The following EIF3K variants were observed in gnomAD, a reference collection of about 807,000 sequenced individuals.
EIF3K encodes the protein eIF-3 p28.
In EIF3K, 27 loss-of-function variants were observed where a neutral mutation model predicts 34.2. That is an observed-to-expected ratio of 0.79 (90% CI 0.58 to 1.09). EIF3K has a LOEUF of 1.09. EIF3K is among the 50% of genes least tolerant of loss of function. EIF3K has a pLI of 0.00. For synonymous variants in EIF3K, 105 were observed against 105.7 expected (o/e 0.99, Z 0.04); for missense variants, 232 against 275.4 (o/e 0.84, Z 1.11).
intron 3 of EIF3K, among the ~76,000 whole-genome samples, chr19:38,625,566 A>G (rs1324790608): frequency 6.7e-6 from 1 of 149,902 alleles, no homozygotes; most frequent in African/African-American, 2.5e-5. Flanking sequence ...CTGGCGTGCA[A>G]AGGCGTGATC....
intron 2 of EIF3K, among the ~76,000 whole-genome samples, chr19:38,621,412 C>CAAAAAAAAAAAAAAAAAAAAA (rs767592946): frequency 6.6e-6 from 1 of 151,634 alleles, no homozygotes; most frequent in East Asian, 2.0e-4. Flanking sequence ...GACCCTGTCT[C>CAAAAAAAAAAAAAAAAAAAAA]AAAAATAAAT....
chr19:38,636,211 G>C (rs1976187774), intron 7 of EIF3K, among the ~76,000 whole-genome samples: 1 of 152,202 alleles, frequency 6.6e-6, no homozygotes, highest in Non-Finnish European at 1.5e-5. Flanking sequence ...GTCACAGGTG[G>C]AGAGGGCAGT....
Position 38,619,279 on chromosome 19 carries a change from T to G in EIF3K, c.11T>G (p.Phe4Cys). ...AAGGCGACAGAAGTCATGGCGATGTTTGAGCAGATGAGAGCCAACGTGGGC... is the reference window on the plus strand; with the variant it reads ...AAGGCGACAGAAGTCATGGCGATGTGTGAGCAGATGAGAGCCAACGTGGGC... MAM[F>C]EQMRANVGKL... The change falls in exon 1 of 8, where the codon TTT (phenylalanine) becomes TGT (cysteine). Residue 4 changes from phenylalanine (F) to cysteine (C), a missense_variant. By Grantham distance (205) the Phe-to-Cys change is radical (BLOSUM62 -2). Coordinates refer to ENST00000248342, the MANE Select transcript of EIF3K (RefSeq NM_013234.4). 1 of 1,614,060 alleles carries G rather than the reference T, an allele frequency of 6.2e-7. No individual in the cohort carries two copies. The highest frequency in any genetic ancestry group is 8.5e-7 in the Non-Finnish European group (1 of 1,179,942).
intron 4 of EIF3K, 125 bp downstream of exon 4, chr19:38,626,227 G>T: frequency 4.5e-6 from 4 of 881,212 alleles, no homozygotes; most frequent in Non-Finnish European, 7.4e-6. Context: ...CTCTGCATGT[G>T]TGTGTTTGTG....
intron 4 of EIF3K, among the ~76,000 whole-genome samples, chr19:38,626,665 A>T (rs984637106): frequency 1.3e-5 from 2 of 152,140 alleles, no homozygotes; most frequent in Non-Finnish European, 2.9e-5. Flanking sequence ...CGTCTCTTCT[A>T]CCTGTCTGAC....
chr19:38,622,657 T>A (rs1941369538), intron 2 of EIF3K, among the ~76,000 whole-genome samples: 1 of 152,204 alleles, frequency 6.6e-6, no homozygotes, highest in Admixed American at 6.6e-5. Context: ...CCAAAATTTA[T>A]TAGGCGGGAA....
intron 6 of EIF3K, 111 bp downstream of exon 6, chr19:38,632,789 G>C: frequency 1.1e-6 from 1 of 952,280 alleles, no homozygotes; most frequent in Admixed American, 2.9e-5. Flanking sequence ...GGTCAGCATG[G>C]AAGGCCCAGC....
chr19:38,625,890 G>A, intron 3 of EIF3K, 138 bp from the exon 4 acceptor site: 1 of 791,306 alleles, frequency 1.3e-6, no homozygotes, highest in South Asian at 1.5e-5. Flanking sequence ...GGAGAAATAA[G>A]CTGGCTTCCT....
rs1381677304 is a variant in EIF3K at position 38,626,061 on chromosome 19, C to T, written c.313C>T (p.Leu105Phe). 2.5e-6 allele frequency: 4 copies of T among 1,614,048 alleles called. No individual in the cohort carries two copies. The highest frequency in any genetic ancestry group is 2.5e-6 in the Non-Finnish European group (3 of 1,180,040). The change falls in exon 4 of 8, where the codon CTC becomes TTC. Residue 105 changes from leucine (L) to phenylalanine (F), a missense_variant. Coordinates refer to ENST00000248342, the MANE Select transcript of EIF3K (RefSeq NM_013234.4). ...ACGGCCAATCCGACAGATTTTGTAC[C>T]TCGGGGACCTGCTGGAGACCTGCCA... Reference protein sequence around the residue: ...EERPIRQILYLGDLLETCHFQ... With the variant: ...EERPIRQILYFGDLLETCHFQ...
intron 2 of EIF3K, 46 bp from the exon 3 acceptor site, chr19:38,624,031 G>T: frequency 3.1e-6 from 5 of 1,613,074 alleles, no homozygotes; most frequent in South Asian, 1.1e-5. Context: ...GAGGATTGGG[G>T]ACTTGGAGGT....
intron 4 of EIF3K, among the ~76,000 whole-genome samples, chr19:38,627,905 C>CTTT (rs60551864): frequency 2.4e-4 from 34 of 140,250 alleles, no homozygotes; most frequent in African/African-American, 4.0e-4. Context: ...ATTTTCTTTC[C>CTTT]TTTTTTTTTT....
chr19:38,627,713 C>G (rs942230810), intron 4 of EIF3K, among the ~76,000 whole-genome samples: 1 of 151,770 alleles, frequency 6.6e-6, no homozygotes, highest in Non-Finnish European at 1.5e-5. Context: ...CACTGGCGCT[C>G]TCTACCACTC....
At chr19:38,624,282 G>A in intron 3 of EIF3K, 85 bp downstream of exon 3, 2 of 1,578,684 alleles carry the variant, frequency 1.3e-6, no homozygotes, top group Admixed American at 1.8e-5. Flanking sequence ...TGGTCTGTGG[G>A]TGTATCCACA....
intron 7 of EIF3K, 175 bp downstream of exon 7, chr19:38,635,293 G>C (rs1048845468): frequency 1.1e-6 from 1 of 880,774 alleles, no homozygotes; most frequent in African/African-American, 1.7e-5. Context: ...GAGGAATAGC[G>C]GGGAGCTGGG....
chr19:38,627,220 A>G (rs1293182378), intron 4 of EIF3K, among the ~76,000 whole-genome samples: 1 of 151,876 alleles, frequency 6.6e-6, no homozygotes, highest in Admixed American at 6.6e-5. Flanking sequence ...TCCTGACCTC[A>G]GGTGATCTGC....
At chr19:38,629,657 C>A (rs533320265) in intron 4 of EIF3K, among the ~76,000 whole-genome samples, 3 of 152,304 alleles carry the variant, frequency 2.0e-5, no homozygotes, top group Admixed American at 1.3e-4. Flanking sequence ...GGGGGATTCC[C>A]TCCCTTTTGT....
At position 38,624,033 on chromosome 19, in the gene EIF3K, C is replaced by T; in HGVS notation, c.159-44C>T. 3.1e-6 allele frequency: 5 copies of T among 1,613,108 alleles called. No individual in the cohort carries two copies. The South Asian group carries it at 5.5e-5, about 18-fold the overall frequency. On this transcript the variant is annotated intron_variant, in intron 2 of 7. Coordinates refer to ENST00000248342, the MANE Select transcript of EIF3K (RefSeq NM_013234.4). The stretch of plus-strand genomic sequence containing the variant: ...CCTGGCACCTGGTGAGGATTGGGGA[C>T]TTGGAGGTGCCACTGTGGCCACGTC...
At chr19:38,635,549 C>G (rs898324030) in intron 7 of EIF3K, 10 of 241,060 alleles carry the variant, frequency 4.1e-5, no homozygotes, top group African/African-American at 2.2e-4. Flanking sequence ...GTTTTCTCAT[C>G]TAAAAAATGG....
intron 4 of EIF3K, chr19:38,628,579 C>G (rs967350839): frequency 6.6e-6 from 1 of 152,372 alleles, no homozygotes; most frequent in Non-Finnish European, 1.5e-5. Context: ...AATCCCAGCA[C>G]TTTGGGAGGC....
Sources: allele counts gnomAD v4.1 joint callset (sites outside exome capture counted in the v4.1 genomes callset), GRCh38; gene constraint gnomAD v4.1.1; transcripts MANE v1.5; gene names NCBI Gene and HGNC (gene_info 2026-07-23, HGNC 2026-07-21).